Variants in PTGER3 observed in about 807,000 individuals in gnomAD.
The protein encoded by PTGER3 is prostaglandin E receptor 3.
In PTGER3, 22 loss-of-function variants were observed where a neutral mutation model predicts 34.7. The ratio of observed to expected loss-of-function variants is 0.63; its 90% CI spans 0.45 to 0.91. The LOEUF is 0.91. Ranked by LOEUF, PTGER3 falls within the 40% of genes least tolerant of loss-of-function variation. The pLI, the probability that PTGER3 is intolerant of heterozygous loss-of-function variation, is 0.00. For synonymous variants in PTGER3, 241 were observed against 230.1 expected, an observed-to-expected ratio of 1.05 and a Z score of -0.43; for missense variants, 468 against 519.4, an observed-to-expected ratio of 0.90 and a Z score of 0.96.
intron 2 of PTGER3, among the ~76,000 whole-genome samples, chr1:70,986,221 A>G (rs1389077477): frequency 4.6e-5 from 7 of 152,136 alleles, no homozygotes; most frequent in Non-Finnish European, 8.8e-5. Flanking sequence ...TCATCAAGAG[A>G]TAACCATAAA....
At chr1:70,987,029 A>G (rs1654989284) in intron 2 of PTGER3, among the ~76,000 whole-genome samples, 2 of 152,204 alleles carry the variant, frequency 1.3e-5, no homozygotes. Flanking sequence ...ATTAGTATTT[A>G]CTATAATTGT....
At chr1:71,003,222 T>C (rs1656645966) in intron 2 of PTGER3, among the ~76,000 whole-genome samples, 1 of 152,194 alleles carries the variant, frequency 6.6e-6, no homozygotes, top group South Asian at 2.1e-4. Flanking sequence ...GCTTTCTTAT[T>C]CAAAGGTTCA....
At chr1:70,897,180 G>C (rs1646739466) in intron 4 of PTGER3, among the ~76,000 whole-genome samples, 1 of 152,132 alleles carries the variant, frequency 6.6e-6, no homozygotes, top group Non-Finnish European at 1.5e-5. Flanking sequence ...AGCTACATAA[G>C]AGGAGGTTAG....
intron 4 of PTGER3, among the ~76,000 whole-genome samples, chr1:70,885,875 C>A (rs920672017): frequency 2.0e-5 from 3 of 152,266 alleles, no homozygotes; most frequent in East Asian, 1.9e-4. Flanking sequence ...GGCAAAGGAG[C>A]TTTCAAAGGG....
At chr1:71,004,243 C>G (rs1656741351) in intron 2 of PTGER3, among the ~76,000 whole-genome samples, 1 of 152,124 alleles carries the variant, frequency 6.6e-6, no homozygotes, top group Admixed American at 6.6e-5. Flanking sequence ...GTCCCTCATT[C>G]TAATTGTATT....
chr1:70,934,098 C>A (rs1643864917), intron 4 of PTGER3, among the ~76,000 whole-genome samples: 1 of 152,132 alleles, frequency 6.6e-6, no homozygotes, highest in African/African-American at 2.4e-5. Flanking sequence ...CAGCCTTGTG[C>A]TAATCTCTTC....
Position 71,035,508 on chromosome 1 carries a change from G to A in PTGER3, c.897+11173C>T, listed in dbSNP as rs528283249. ...CTCCTCTTTTAAAGCAACATTTAAGGAAGAAGGCTTTTCTTTATATTAATG... is the reference window on the plus strand; with the variant it reads ...CTCCTCTTTTAAAGCAACATTTAAGAAAGAAGGCTTTTCTTTATATTAATG... On this transcript the variant is annotated intron_variant, in intron 1 of 3. Transcript: ENST00000306666. Among the ~76,000 whole-genome samples, 5 of 152,290 alleles carry A rather than the reference G, an allele frequency of 3.3e-5. No individual in the cohort carries two copies. The South Asian group carries it at 1.0e-3, about 32-fold the overall frequency.
rs1648599542 is a variant in PTGER3 at position 70,930,687 on chromosome 1, C to A, written c.*23+23076G>T. Among the ~76,000 whole-genome samples, 3 of 152,092 alleles carry A rather than the reference C, an allele frequency of 2.0e-5. No individual in the cohort carries two copies. The South Asian group carries it at 6.2e-4, about 32-fold the overall frequency. On this transcript the variant is annotated intron_variant, in intron 4 of 4. Coordinates refer to the PTGER3 transcript ENST00000370931. ...ACAAAAGCAGAAACCACTGATAAAC[C>A]CATCAGATCTCATGATACTTATTCA...
chr1:70,903,189 G>C (rs767990718), intron 4 of PTGER3, among the ~76,000 whole-genome samples: 23 of 152,128 alleles, frequency 1.5e-4, no homozygotes, highest in Non-Finnish European at 3.1e-4. Context: ...AACAGAAGCT[G>C]GAAGAGGCAA....
intron 1 of PTGER3, among the ~76,000 whole-genome samples, chr1:71,039,516 G>A (rs1294688577): frequency 6.6e-6 from 1 of 151,660 alleles, no homozygotes; most frequent in Non-Finnish European, 1.5e-5. Context: ...CGGGTGTGGT[G>A]GTGGGCGCCT....
At chr1:71,044,172 C>T (rs1261901534) in intron 1 of PTGER3, among the ~76,000 whole-genome samples, 3 of 150,876 alleles carry the variant, frequency 2.0e-5, no homozygotes, top group East Asian at 2.0e-4. Flanking sequence ...CACGGTGGCT[C>T]ATGCCTGTAA....
At chr1:71,033,150 C>G (rs778660900) in intron 1 of PTGER3, among the ~76,000 whole-genome samples, 2 of 152,132 alleles carry the variant, frequency 1.3e-5, no homozygotes, top group African/African-American at 4.8e-5. Flanking sequence ...AAATGGAAAG[C>G]CATATGTAGA....
At chr1:71,031,307 C>T (rs1659398537) in intron 1 of PTGER3, among the ~76,000 whole-genome samples, 1 of 151,826 alleles carries the variant, frequency 6.6e-6, no homozygotes, top group Non-Finnish European at 1.5e-5. Flanking sequence ...CGCACATGTG[C>T]ACAAGGCTTC....
rs137877132 is a variant in PTGER3 at position 71,002,682 on chromosome 1, G to A, written c.1077+9623C>T. 1.7e-3 allele frequency among the ~76,000 whole-genome samples: 266 copies of A among 152,298 alleles called. 1 individual carries two copies. The highest frequency in any genetic ancestry group is 3.2e-3 in the Non-Finnish European group (218 of 68,028). On this transcript the variant is annotated intron_variant, in intron 2 of 3. Coordinates refer to ENST00000306666, the MANE Select transcript of PTGER3 (RefSeq NM_198719.2). ...AGAGCTGCCCAACATTTAAGGCAGT[G>A]ATTACACTTCATGATATGCCAATAT...
chr1:70,993,473 C>T (rs1207092064), intron 2 of PTGER3, among the ~76,000 whole-genome samples: 1 of 152,192 alleles, frequency 6.6e-6, no homozygotes, highest in Admixed American at 6.5e-5. Context: ...CAGAAGTCTA[C>T]ATTTTGTACA....
chr1:71,045,832 GA>G (rs974130368), intron 1 of PTGER3, among the ~76,000 whole-genome samples: 1 of 151,762 alleles, frequency 6.6e-6, no homozygotes, highest in African/African-American at 2.4e-5. Context: ...GCACCATGGC[GA>G]AAGGCTGAGG....
chr1:70,959,444 C>T (rs1651697801), intron 2 of PTGER3, among the ~76,000 whole-genome samples: 1 of 151,906 alleles, frequency 6.6e-6, no homozygotes, highest in Non-Finnish European at 1.5e-5. Flanking sequence ...ACCTCCACCT[C>T]CCTGCTCAAA....
chr1:71,047,374 C>T lies in PTGER3; in HGVS notation c.204G>A (p.Leu68=), dbSNP rs1415072344. 6.2e-7 allele frequency: 1 copy of T among 1,611,068 alleles called. No homozygotes were observed. Among genetic ancestry groups the T allele is most frequent in the South Asian group, 1.1e-5 (1 of 90,298 alleles). The change falls in exon 1 of 4, where the codon CTG becomes CTA. Residue 68 remains leucine, a synonymous_variant. Transcript: ENST00000306666. ...AGCTGCGCGACACGAGCAGCATGGC[C>T]AGTGCGTTGCCCACGAAACCAGTGA... ...MLLTGFVGNA[L]AMLLVSRSYR... is the part of the protein sequence containing the mutation.
chr1:70,949,234 A>G (rs910207206), downstream of PTGER3, among the ~76,000 whole-genome samples: 1 of 152,168 alleles, frequency 6.6e-6, no homozygotes, highest in Non-Finnish European at 1.5e-5. Context: ...TTAGTATTTC[A>G]TAATTTTCTG....
Sources: allele counts gnomAD v4.1 joint callset (sites outside exome capture counted in the v4.1 genomes callset), GRCh38; gene constraint gnomAD v4.1.1; transcripts MANE v1.5; gene names NCBI Gene and HGNC (gene_info 2026-07-23, HGNC 2026-07-21).